TCERG1L: variants seen among roughly 807,000 people sequenced by gnomAD.
The protein encoded by TCERG1L is transcription elongation regulator 1-like protein.
A neutral mutation model predicts 56.3 loss-of-function variants in TCERG1L; 37 were observed. The observed-to-expected ratio is 0.66, with a 90% CI of 0.51 to 0.87. The LOEUF (loss-of-function observed/expected upper bound fraction) is 0.87, where lower values mean the gene tolerates loss of function less well. Among genes scored for constraint, TCERG1L ranks in the 40% least tolerant of loss-of-function variants. TCERG1L has a pLI of 0.00. For synonymous variants in TCERG1L, 324 were observed against 326.3 expected, an observed-to-expected ratio of 0.99 and a Z score of 0.08; for missense variants, 799 against 774.2, an observed-to-expected ratio of 1.03 and a Z score of -0.38.
intron 3 of TCERG1L, among the ~76,000 whole-genome samples, chr10:131,276,436 G>T (rs11017858): frequency 6.6e-6 from 1 of 152,170 alleles, no homozygotes; most frequent in African/African-American, 2.4e-5. Context: ...GCAAAACTCC[G>T]CTGTTTATCA....
At position 131,129,166 on chromosome 10, in the gene TCERG1L, T is replaced by C. The variant is rs143636247; in HGVS notation, c.1259+5213A>G. Among the ~76,000 whole-genome samples, 94 of 151,824 alleles carry C rather than the reference T, an allele frequency of 6.2e-4. No individual in the cohort carries two copies. In the East Asian group the frequency reaches 0.017, roughly 27 times the overall value. ...GGAGAGAGAAGCAGAGGGCAATACCTGAAACTGACTTAGTCCTGATATGAA... is the reference window on the plus strand; with the variant it reads ...GGAGAGAGAAGCAGAGGGCAATACCCGAAACTGACTTAGTCCTGATATGAA... On this transcript the variant is annotated intron_variant, in intron 8 of 11. Coordinates refer to ENST00000368642, the MANE Select transcript of TCERG1L (RefSeq NM_174937.4).
intron 4 of TCERG1L, among the ~76,000 whole-genome samples, chr10:131,236,407 C>T (rs943430299): frequency 6.6e-6 from 1 of 152,194 alleles, no homozygotes; most frequent in Non-Finnish European, 1.5e-5. Flanking sequence ...CACAGCCATG[C>T]TGACATTCCA....
chr10:131,140,742 C>G (rs1845728273), intron 7 of TCERG1L, among the ~76,000 whole-genome samples: 1 of 152,212 alleles, frequency 6.6e-6, no homozygotes, highest in South Asian at 2.1e-4. Context: ...AGGAGGCAAA[C>G]AAGGGCGGGC....
chr10:131,248,201 TCACA>T (rs10531109), intron 4 of TCERG1L, among the ~76,000 whole-genome samples: 3 of 145,082 alleles, frequency 2.1e-5, no homozygotes, highest in South Asian at 2.2e-4. Flanking sequence ...CACACACTAC[TCACA>T]CACAACTCTC....
chr10:131,151,042 C>A (rs1439174129), intron 6 of TCERG1L, among the ~76,000 whole-genome samples: 2 of 152,192 alleles, frequency 1.3e-5, no homozygotes, highest in Non-Finnish European at 2.9e-5. Context: ...ATTCAATTAC[C>A]TCCACCTGGT....
At chr10:131,139,276 C>T (rs1395985945) in intron 7 of TCERG1L, among the ~76,000 whole-genome samples, 2 of 152,232 alleles carry the variant, frequency 1.3e-5, no homozygotes, top group Non-Finnish European at 2.9e-5. Flanking sequence ...TGCAGAAACA[C>T]TCCTAAGGTA....
At chr10:131,128,259 C>T (rs928986155) in intron 8 of TCERG1L, among the ~76,000 whole-genome samples, 1 of 152,108 alleles carries the variant, frequency 6.6e-6, no homozygotes, top group African/African-American at 2.4e-5. Context: ...CCAGAAAGAG[C>T]ATAATGACGA....
At chr10:131,102,043 T>C (rs2032015) in intron 10 of TCERG1L, among the ~76,000 whole-genome samples, 27,084 of 152,034 alleles carry the variant, frequency 0.18, 2,756 homozygotes, top group Middle Eastern at 0.24. Context: ...AACAAAAGGG[T>C]GAAATATGAC....
Position 131,311,705 on chromosome 10 carries a change from G to A in TCERG1L, c.-70C>T. 8 of 799,334 alleles carry A rather than the reference G, an allele frequency of 1.0e-5. No homozygotes were observed. The South Asian group carries it at 4.1e-4, about 41-fold the overall frequency. The allele number at this position is 799,334 out of a possible 1,614,324, so 49.5% of individuals were successfully genotyped here. ...CGAGATGCTGGGCCGGCGGCGGCGC[G>A]GCTCCGGAGCGAACTCACTTGGCTC... is the stretch of plus-strand genomic sequence containing the variant. On this transcript the variant is annotated 5_prime_UTR_variant, in exon 1 of 12. Transcript: ENST00000368642. This position sits in a 1 kb window ranked among gnomAD's most constrained non-coding sequence, Gnocchi z 4.0.
intron 4 of TCERG1L, among the ~76,000 whole-genome samples, chr10:131,177,674 T>C (rs1278969066): frequency 6.6e-6 from 1 of 152,086 alleles, no homozygotes; most frequent in African/African-American, 2.4e-5. Context: ...GGGACCCCCA[T>C]CTGGACAGCC....
At chr10:131,150,064 G>A (rs1026038087) in intron 6 of TCERG1L, among the ~76,000 whole-genome samples, 4 of 152,124 alleles carry the variant, frequency 2.6e-5, no homozygotes, top group Non-Finnish European at 2.9e-5. Context: ...TCCTAGAAGC[G>A]TCCTTGGCTC....
At chr10:131,182,288 G>A (rs11017806) in intron 4 of TCERG1L, among the ~76,000 whole-genome samples, 4,880 of 152,326 alleles carry the variant, frequency 0.032, 160 homozygotes, top group South Asian at 0.093. Flanking sequence ...GTGAAAGGGA[G>A]GAAAAAACGC....
intron 4 of TCERG1L, among the ~76,000 whole-genome samples, chr10:131,253,028 A>T (rs190841094): frequency 6.6e-6 from 1 of 152,208 alleles, no homozygotes; most frequent in African/African-American, 2.4e-5. Flanking sequence ...TTGAGGCCGT[A>T]GCGCCTTCCC....
chr10:131,109,300 T>C (rs536432340), intron 9 of TCERG1L, among the ~76,000 whole-genome samples: 1 of 152,344 alleles, frequency 6.6e-6, no homozygotes, highest in Non-Finnish European at 1.5e-5. Flanking sequence ...CTCACCCCGC[T>C]GTACATCGTC....
Position 131,170,120 on chromosome 10 carries a change from G to A in TCERG1L, c.857-3235C>T, listed in dbSNP as rs142056863. ...GCCCTAAATAGTTTTCTTAATAACC[G>A]GCACTCTTTCACAGTCATTGATTTT... On this transcript the variant is annotated intron_variant, in intron 4 of 11. Transcript: ENST00000368642. Among the ~76,000 whole-genome samples, 49 of 152,120 alleles carry A rather than the reference G, an allele frequency of 3.2e-4. No homozygotes were observed. The East Asian group carries it at 5.2e-3, about 16-fold the overall frequency.
rs201696089 is a variant in TCERG1L, at chr10:131,287,164, A to G, written c.670+21047T>C. Reference sequence around the variant, plus strand: ...TATTTCTGCTGGAGAATGTTACTTTAGAATAGGTATCAGAGACGGGAAACT... The same window carrying G: ...TATTTCTGCTGGAGAATGTTACTTTGGAATAGGTATCAGAGACGGGAAACT... On this transcript the variant is annotated intron_variant, in intron 3 of 11. Coordinates refer to ENST00000368642, the MANE Select transcript of TCERG1L (RefSeq NM_174937.4). Among the ~76,000 whole-genome samples, 83 of 152,326 alleles carry G rather than the reference A, an allele frequency of 5.4e-4. 1 individual carries two copies. In the East Asian group the frequency reaches 0.011, roughly 21 times the overall value.
At chr10:131,203,676 T>C (rs2918130) in intron 4 of TCERG1L, among the ~76,000 whole-genome samples, 13,818 of 152,098 alleles carry the variant, frequency 0.091, 754 homozygotes, top group Non-Finnish European at 0.12. Context: ...TTCAGAGAGG[T>C]TGGAATCCAG....
At chr10:131,258,249 C>T (rs966716911) in intron 4 of TCERG1L, among the ~76,000 whole-genome samples, 10 of 152,242 alleles carry the variant, frequency 6.6e-5, no homozygotes, top group African/African-American at 2.2e-4. Flanking sequence ...GGGCCTCTTG[C>T]GATGGTTTAG....
chr10:131,175,775 T>G lies in TCERG1L; in HGVS notation c.857-8890A>C, dbSNP rs112668234. On this transcript the variant is annotated intron_variant, in intron 4 of 11. Transcript: ENST00000368642. Reference sequence around the variant, plus strand: ...AGCCAAGTAGGACTTTACCCCAACCTTGGACCAAGAAAAGAAGAGATGGCT... The same window carrying G: ...AGCCAAGTAGGACTTTACCCCAACCGTGGACCAAGAAAAGAAGAGATGGCT... Among the ~76,000 whole-genome samples the G allele has an allele frequency of 1.8e-3, 274 of 152,076 alleles. 1 individual carries two copies. The highest frequency in any genetic ancestry group is 3.1e-3 in the Non-Finnish European group (211 of 67,988).
Sources: allele counts gnomAD v4.1 joint callset (sites outside exome capture counted in the v4.1 genomes callset), GRCh38; gene constraint gnomAD v4.1.1; non-coding constraint Gnocchi (gnomAD v3.1); transcripts MANE v1.5; gene names NCBI Gene and HGNC (gene_info 2026-07-23, HGNC 2026-07-21).